MORC1: variants seen among roughly 807,000 people sequenced by gnomAD.
The protein encoded by MORC1 is MORC family CW-type zinc finger protein 1.
In MORC1, 59 loss-of-function variants were observed where a neutral mutation model predicts 134.9. The ratio of observed to expected loss-of-function variants is 0.44; its 90% CI spans 0.35 to 0.54. The LOEUF is 0.54. MORC1 is among the 20% of genes least tolerant of loss of function. The pLI, the probability that MORC1 is intolerant of heterozygous loss-of-function variation, is 0.00. For missense variants in MORC1, 947 were observed against 1,134.5 expected (o/e 0.83, Z 2.37); for synonymous variants, 395 against 391.7 (o/e 1.01, Z -0.10).
rs1317495228 is a variant in MORC1 at position 108,982,590 on chromosome 3, G to GGT, written c.2324+2125_2324+2126insAC. On this transcript the variant is annotated intron_variant, in intron 23 of 27. Coordinates refer to ENST00000232603, the MANE Select transcript of MORC1 (RefSeq NM_014429.4). ...CGGGGACCTGTCGTGGGATGGGGGGGGCAGGGGGAGGGATAGCATTAGGAG... is the reference window on the plus strand; with the variant it reads ...CGGGGACCTGTCGTGGGATGGGGGGGGTGCAGGGGGAGGGATAGCATTAGGAG... Among the ~76,000 whole-genome samples, 5 of 151,462 alleles carry GGT rather than the reference G, an allele frequency of 3.3e-5. No individual in the cohort carries two copies. The East Asian group carries it at 9.7e-4, about 29-fold the overall frequency.
In MORC1 at chr3:109,000,209, T is replaced by C. The variant is rs143079505; in HGVS notation, c.2187+348A>G. Among the ~76,000 whole-genome samples, 1,007 of 152,296 alleles carry C rather than the reference T, an allele frequency of 6.6e-3. 15 individuals are homozygous for C. The highest frequency in any genetic ancestry group is 0.023 in the African/African-American group (974 of 41,564). On this transcript the variant is annotated intron_variant, in intron 21 of 27. Transcript: ENST00000232603. ...GTCCAAATTACAAATTACAGAAAGG[T>C]TCATATTCTTCGGATTTGGGAATGA...
chr3:108,995,588 T>C (rs896738147), intron 21 of MORC1, among the ~76,000 whole-genome samples: 1 of 152,194 alleles, frequency 6.6e-6, no homozygotes, highest in Non-Finnish European at 1.5e-5. Flanking sequence ...AATACTTTCT[T>C]TTTTTAGAAG....
chr3:109,021,306 A>G (rs1338984914), intron 17 of MORC1, among the ~76,000 whole-genome samples: 1 of 152,188 alleles, frequency 6.6e-6, no homozygotes, highest in African/African-American at 2.4e-5. Context: ...GTGTATTTGC[A>G]TTAAAACCCA....
intron 8 of MORC1, among the ~76,000 whole-genome samples, chr3:109,083,419 T>C (rs1279655913): frequency 6.6e-6 from 1 of 151,936 alleles, no homozygotes; most frequent in East Asian, 1.9e-4. Flanking sequence ...TATGCTAGTA[T>C]GAAACCCAAA....
chr3:109,103,084 T>A (rs1394881019), intron 4 of MORC1, among the ~76,000 whole-genome samples: 3 of 152,210 alleles, frequency 2.0e-5, no homozygotes, highest in African/African-American at 7.2e-5. Context: ...TACTGATGCA[T>A]CCTTTCCTCA....
In MORC1 at chr3:109,037,599, C is replaced by A. The variant is rs569089802; in HGVS notation, c.1331-2131G>T. 9.9e-5 allele frequency among the ~76,000 whole-genome samples: 15 copies of A among 152,280 alleles called. No individual in the cohort carries two copies. The South Asian group carries it at 3.1e-3, about 32-fold the overall frequency. On this transcript the variant is annotated intron_variant, in intron 14 of 27. Coordinates refer to ENST00000232603, the MANE Select transcript of MORC1 (RefSeq NM_014429.4). ...AATACTATCTCTCTCCCAGCTCCCCCACCCCCTGACAGGCCCTGGTGTGTT... is the reference window on the plus strand; with the variant it reads ...AATACTATCTCTCTCCCAGCTCCCCAACCCCCTGACAGGCCCTGGTGTGTT...
At chr3:109,032,352 G>A (rs1026538201) in intron 16 of MORC1, among the ~76,000 whole-genome samples, 15 of 152,236 alleles carry the variant, frequency 9.9e-5, no homozygotes, top group African/African-American at 3.1e-4. Flanking sequence ...AAAAGCATAC[G>A]GTCTAACAGT....
chr3:109,068,905 C>A (rs751137202), intron 9 of MORC1, among the ~76,000 whole-genome samples: 1 of 152,238 alleles, frequency 6.6e-6, no homozygotes, highest in South Asian at 2.1e-4. Context: ...CCTGCAATCC[C>A]AGCACTTTGG....
At chr3:108,978,315 C>T (rs1227339315) in intron 24 of MORC1, among the ~76,000 whole-genome samples, 1 of 152,168 alleles carries the variant, frequency 6.6e-6, no homozygotes, top group East Asian at 1.9e-4. Flanking sequence ...TGGAATGTAG[C>T]AGTCTGTATT....
Position 109,027,857 on chromosome 3 carries a change from G to A in MORC1, c.1598C>T (p.Pro533Leu). 4 of 1,613,538 alleles carry A rather than the reference G, an allele frequency of 2.5e-6. No homozygotes were observed. The highest frequency in any genetic ancestry group is 3.4e-6 in the Non-Finnish European group (4 of 1,179,726). The change falls in exon 17 of 28, where the codon CCA becomes CTA. Residue 533 changes from proline to leucine, a missense_variant. Physicochemically the swap from Pro to Leu is moderately conservative, Grantham distance 98. Coordinates refer to ENST00000232603, the MANE Select transcript of MORC1 (RefSeq NM_014429.4). ...CHQVECLPSIPLGTMSTISPS... is the reference protein window; with the variant it reads ...CHQVECLPSILLGTMSTISPS... ...TGATATTGTGCTCATGGTGCCCAGT[G>A]GGATGGAAGGTAGACATTCTACCTG...
chr3:109,043,590 GAAAA>G (rs199867376), intron 14 of MORC1, among the ~76,000 whole-genome samples: 2 of 149,596 alleles, frequency 1.3e-5, no homozygotes, highest in African/African-American at 4.9e-5. Context: ...TCATCATAAT[GAAAA>G]AAAAAGAAAA....
chr3:108,986,375 T>C (rs1455479820), intron 22 of MORC1, among the ~76,000 whole-genome samples: 1 of 152,148 alleles, frequency 6.6e-6, no homozygotes, highest in Admixed American at 6.5e-5. Flanking sequence ...CTTCATGCCT[T>C]AAATAAGTTC....
At chr3:109,036,592 A>T (rs1020907669) in intron 14 of MORC1, among the ~76,000 whole-genome samples, 1 of 152,182 alleles carries the variant, frequency 6.6e-6, no homozygotes, top group African/African-American at 2.4e-5. Flanking sequence ...CCTTACAACA[A>T]CCTTAACATA....
At chr3:109,101,007 C>G (rs921140842) in intron 4 of MORC1, among the ~76,000 whole-genome samples, 1 of 152,156 alleles carries the variant, frequency 6.6e-6, no homozygotes, top group African/African-American at 2.4e-5. Context: ...TAAGAAACAA[C>G]TGTATACTGA....
intron 14 of MORC1, among the ~76,000 whole-genome samples, chr3:109,043,415 A>G (rs1576671012): frequency 6.6e-6 from 1 of 152,054 alleles, no homozygotes; most frequent in African/African-American, 2.4e-5. Flanking sequence ...AAAAGCGGGG[A>G]ATTGGGAGCT....
chr3:109,077,156 T>C (rs1244985354), intron 8 of MORC1, among the ~76,000 whole-genome samples: 1 of 152,060 alleles, frequency 6.6e-6, no homozygotes, highest in Non-Finnish European at 1.5e-5. Context: ...TCTATAACCA[T>C]TTAAACAAAT....
chr3:108,982,947 T>A (rs1409010432), intron 23 of MORC1, among the ~76,000 whole-genome samples: 10 of 119,284 alleles, frequency 8.4e-5, no homozygotes, highest in South Asian at 2.6e-4. Context: ...GGTTTTTTTT[T>A]AAATGCAAAA....
intron 17 of MORC1, among the ~76,000 whole-genome samples, chr3:109,015,788 T>A (rs1046537239): frequency 3.8e-5 from 5 of 130,206 alleles, no homozygotes; most frequent in African/African-American, 1.5e-4. Context: ...CCACGCATAA[T>A]CCTCAATCTT....
intron 14 of MORC1, among the ~76,000 whole-genome samples, chr3:109,039,143 T>C (rs1214907687): frequency 1.3e-5 from 2 of 152,170 alleles, no homozygotes; most frequent in East Asian, 1.9e-4. Context: ...CTTGAACTCC[T>C]GACCTGAAGT....
Sources: allele counts gnomAD v4.1 joint callset (sites outside exome capture counted in the v4.1 genomes callset), GRCh38; gene constraint gnomAD v4.1.1; transcripts MANE v1.5; gene names NCBI Gene and HGNC (gene_info 2026-07-23, HGNC 2026-07-21).